KCNQ3: variants seen among roughly 807,000 people sequenced by gnomAD.
KCNQ3 encodes potassium voltage-gated channel subfamily KQT member 3.
A neutral mutation model predicts 92.5 loss-of-function variants in KCNQ3; 30 were observed. The observed-to-expected ratio is 0.32, with a 90% confidence interval of 0.24 to 0.44. The LOEUF (loss-of-function observed/expected upper bound fraction) is 0.44, where lower values mean the gene tolerates loss of function less well. Among genes scored for constraint, KCNQ3 ranks in the 20% least tolerant of loss-of-function variants. KCNQ3 has a pLI of 1.00. For missense variants in KCNQ3, 913 were observed against 1,140.3 expected (o/e 0.80, Z 2.87); for synonymous variants, 450 against 468.8 (o/e 0.96, Z 0.52).
At chr8:132,192,534 T>A (rs973479022) in intron 1 of KCNQ3, among the ~76,000 whole-genome samples, 1 of 152,228 alleles carries the variant, frequency 6.6e-6, no homozygotes, top group Non-Finnish European at 1.5e-5. Flanking sequence ...CTTCTCTTCC[T>A]GCTTTGGTTT....
chr8:132,247,972 A>G (rs901050340), intron 1 of KCNQ3, among the ~76,000 whole-genome samples: 1 of 151,662 alleles, frequency 6.6e-6, no homozygotes, highest in African/African-American at 2.4e-5. Context: ...AGTGAGCACT[A>G]TTATTATCCC....
Position 132,134,551 on chromosome 8 carries a change from TGAGGA to T in KCNQ3, c.1701-168_1701-164del, listed in dbSNP as rs111447844. On this transcript the variant is annotated intron_variant, in intron 12 of 14. Transcript: ENST00000388996. ...AGAGGAGAGGGGAGGAGAGGAGAAG[TGAGGA>T]GAGGAGAGGGGAGGAGAGGAGAGGA... Among the ~76,000 whole-genome samples, 51,719 of 142,338 alleles carry T rather than the reference TGAGGA, an allele frequency of 0.36. 9,503 individuals are homozygous for T. The highest frequency in any genetic ancestry group is 0.45 in the Middle Eastern group (123 of 274). The allele number at this position is 142,338 out of a possible 152,430, so 93.4% of individuals were successfully genotyped here.
At chr8:132,405,439 T>C (rs1305076157) in intron 1 of KCNQ3, among the ~76,000 whole-genome samples, 4 of 152,182 alleles carry the variant, frequency 2.6e-5, no homozygotes, top group African/African-American at 7.2e-5. Context: ...AAAGACTCCT[T>C]CTTGTATTTG....
intron 1 of KCNQ3, among the ~76,000 whole-genome samples, chr8:132,346,445 GA>G (rs1818691443): frequency 1.3e-5 from 2 of 152,200 alleles, no homozygotes; most frequent in African/African-American, 4.8e-5. Flanking sequence ...AGGTCGGGAT[GA>G]CTCAGCAGTC....
At chr8:132,441,260 C>T (rs1821527367) in intron 1 of KCNQ3, among the ~76,000 whole-genome samples, 1 of 152,154 alleles carries the variant, frequency 6.6e-6, no homozygotes, top group Admixed American at 6.5e-5. Context: ...ATTAATATTC[C>T]TTTGGGTAGG....
rs112386275 is a variant in KCNQ3 at position 132,412,112 on chromosome 8, G to T, written c.386+68035C>A. On this transcript the variant is annotated intron_variant, in intron 1 of 14. Coordinates refer to ENST00000388996, the MANE Select transcript of KCNQ3 (RefSeq NM_004519.4). ...GAAGCAAGCCCACTGCCTGGCGCTT[G>T]GCACCCCACAGGGCATGCAGCAGGG... Among the ~76,000 whole-genome samples the T allele has an allele frequency of 3.7e-3, 563 of 152,254 alleles. 4 individuals carry two copies. Among genetic ancestry groups the T allele is most frequent in the African/African-American group, 0.013 (529 of 41,534 alleles).
intron 1 of KCNQ3, among the ~76,000 whole-genome samples, chr8:132,221,352 A>T (rs1333922143): frequency 6.6e-6 from 1 of 152,176 alleles, no homozygotes; most frequent in Non-Finnish European, 1.5e-5. Context: ...CACTGGGTCA[A>T]ATGGTATTTC....
At chr8:132,172,740 C>A in intron 6 of KCNQ3, 47 bp from the exon 7 acceptor site, 1 of 1,388,582 alleles carries the variant, frequency 7.2e-7, no homozygotes, top group South Asian at 1.2e-5. Flanking sequence ...TAGACTGTCC[C>A]AGCATTCCCG....
intron 1 of KCNQ3, among the ~76,000 whole-genome samples, chr8:132,221,798 A>G (rs1233968338): frequency 2.6e-5 from 4 of 152,216 alleles, no homozygotes; most frequent in African/African-American, 7.2e-5. Context: ...CAAACCTGAC[A>G]AAAACAAGAA....
chr8:132,198,806 C>CA, intron 1 of KCNQ3, among the ~76,000 whole-genome samples: 1 of 151,998 alleles, frequency 6.6e-6, no homozygotes. Flanking sequence ...GACTTCATCT[C>CA]AAAAAACAAA....
chr8:132,257,745 C>CAAAAAAAAA (rs1174893538), intron 1 of KCNQ3, among the ~76,000 whole-genome samples: 2 of 76,622 alleles, frequency 2.6e-5, no homozygotes, highest in African/African-American at 6.5e-5. Flanking sequence ...GACTCCAGCT[C>CAAAAAAAAA]AAAAAAAAAA....
chr8:132,222,469 T>C (rs1233098845), intron 1 of KCNQ3, among the ~76,000 whole-genome samples: 1 of 152,236 alleles, frequency 6.6e-6, no homozygotes, highest in Non-Finnish European at 1.5e-5. Context: ...CCTTGCTAAG[T>C]TGAATGGTTT....
At chr8:132,276,276 C>T (rs1243124367) in intron 1 of KCNQ3, among the ~76,000 whole-genome samples, 4 of 152,180 alleles carry the variant, frequency 2.6e-5, no homozygotes, top group African/African-American at 7.2e-5. Flanking sequence ...CGTGCCTACT[C>T]CAGGAGGTGG....
At chr8:132,451,914 C>A (rs940502642) in intron 1 of KCNQ3, among the ~76,000 whole-genome samples, 2 of 151,996 alleles carry the variant, frequency 1.3e-5, no homozygotes, top group Non-Finnish European at 2.9e-5. Flanking sequence ...TGGGACAGGT[C>A]AAGAGAAAAA....
intron 3 of KCNQ3, among the ~76,000 whole-genome samples, chr8:132,183,175 C>G (rs1178317746): frequency 2.6e-5 from 4 of 152,150 alleles, no homozygotes; most frequent in African/African-American, 9.7e-5. Flanking sequence ...GAGTAGCATG[C>G]TCAGAGGAGA....
chr8:132,145,872 C>G lies in KCNQ3; in HGVS notation c.1263-4541G>C, dbSNP rs549649135. ...GTGGTCCGGAGACAGAAGCTGAGAT[C>G]TGAAAGGCAAGAAGCTGGATTTCAA... On this transcript the variant is annotated intron_variant, in intron 9 of 14. Coordinates refer to ENST00000388996, the MANE Select transcript of KCNQ3 (RefSeq NM_004519.4). Among the ~76,000 whole-genome samples, 11 of 152,288 alleles carry G rather than the reference C, an allele frequency of 7.2e-5. No homozygotes were observed. The South Asian group carries it at 2.3e-3, about 32-fold the overall frequency.
chr8:132,304,308 A>T (rs1304571696), intron 1 of KCNQ3, among the ~76,000 whole-genome samples: 4 of 152,238 alleles, frequency 2.6e-5, no homozygotes, highest in South Asian at 4.1e-4. Flanking sequence ...AGAAATGTTT[A>T]AAAATGCCAT....
intron 1 of KCNQ3, among the ~76,000 whole-genome samples, chr8:132,399,134 T>G (rs1820270012): frequency 6.6e-6 from 1 of 152,230 alleles, no homozygotes; most frequent in African/African-American, 2.4e-5. Flanking sequence ...TACAAATTTA[T>G]TCAGAAGACA....
intron 1 of KCNQ3, among the ~76,000 whole-genome samples, chr8:132,392,019 G>A (rs1044151788): frequency 3.9e-5 from 6 of 151,976 alleles, no homozygotes; most frequent in Admixed American, 6.6e-5. Context: ...CATTTTTATC[G>A]GCACGCATCC....
Sources: gnomAD v4.1 joint callset for allele counts (sites outside exome capture counted in the v4.1 genomes callset) on GRCh38, gnomAD v4.1.1 for gene constraint, MANE v1.5 for transcripts, NCBI Gene and HGNC (gene_info 2026-07-23, HGNC 2026-07-21) for gene names.